The following CNTNAP2 variants were observed in gnomAD, a reference collection of about 807,000 sequenced individuals.
CNTNAP2 encodes contactin associated protein 2.
Under a neutral mutation model 155.2 loss-of-function variants are expected in CNTNAP2, and 98 were observed. The observed-to-expected ratio is 0.63, with a 90% confidence interval of 0.54 to 0.75. CNTNAP2 has a LOEUF of 0.75. Among genes scored for constraint, CNTNAP2 ranks in the 30% least tolerant of loss-of-function variants. The probability of loss-of-function intolerance (pLI) is 0.00; values close to 1 mark genes in which losing one functional copy is unlikely to be tolerated. For synonymous variants in CNTNAP2, 651 were observed against 631.2 expected (o/e 1.03, Z -0.47); for missense variants, 1,727 against 1,688.1 (o/e 1.02, Z -0.40).
intron 15 of CNTNAP2, among the ~76,000 whole-genome samples, chr7:148,030,895 C>T (rs1802465306): frequency 6.6e-6 from 1 of 151,898 alleles, no homozygotes; most frequent in Admixed American, 6.6e-5. Flanking sequence ...TGGAATCAGG[C>T]GGAAGCACGT....
At chr7:147,740,736 T>A (rs1280989667) in intron 13 of CNTNAP2, among the ~76,000 whole-genome samples, 4 of 152,218 alleles carry the variant, frequency 2.6e-5, no homozygotes, top group Admixed American at 2.0e-4. Context: ...GAAACCATAC[T>A]TCTTAAATAA....
intron 1 of CNTNAP2, among the ~76,000 whole-genome samples, chr7:146,125,581 C>CAAAAAAAAA (rs57234097): frequency 3.4e-5 from 2 of 58,878 alleles, no homozygotes; most frequent in Non-Finnish European, 3.1e-5. Flanking sequence ...ACTCCGTCTC[C>CAAAAAAAAA]AAAAAAAAAA....
intron 1 of CNTNAP2, among the ~76,000 whole-genome samples, chr7:146,727,562 T>C (rs34084487): frequency 0.11 from 17,397 of 152,066 alleles, 1,774 homozygotes; most frequent in African/African-American, 0.27. Context: ...ACCAAATAAT[T>C]TGGATAGCCT....
intron 20 of CNTNAP2, among the ~76,000 whole-genome samples, chr7:148,230,690 T>C (rs1297035301): frequency 6.6e-6 from 1 of 152,228 alleles, no homozygotes; most frequent in Non-Finnish European, 1.5e-5. Flanking sequence ...TAACTTGATA[T>C]GGAGTTTGCG....
At chr7:148,195,461 A>G (rs1391359591) in intron 18 of CNTNAP2, among the ~76,000 whole-genome samples, 1 of 152,160 alleles carries the variant, frequency 6.6e-6, no homozygotes, top group Non-Finnish European at 1.5e-5. Flanking sequence ...GTCTTAGTTG[A>G]CCTTTCTCTG....
chr7:147,419,101 G>A (rs973122993), intron 10 of CNTNAP2, among the ~76,000 whole-genome samples: 2 of 152,184 alleles, frequency 1.3e-5, no homozygotes, highest in African/African-American at 4.8e-5. Flanking sequence ...TTCAAAGGTT[G>A]AATCCATAGC....
chr7:148,004,828 G>A (rs1380840714), intron 15 of CNTNAP2, among the ~76,000 whole-genome samples: 1 of 152,152 alleles, frequency 6.6e-6, no homozygotes, highest in African/African-American at 2.4e-5. Flanking sequence ...CAGGAAGAAA[G>A]GTGGAGTACC....
At chr7:148,122,601 G>A (rs369661653) in intron 16 of CNTNAP2, among the ~76,000 whole-genome samples, 2 of 152,120 alleles carry the variant, frequency 1.3e-5, no homozygotes, top group Non-Finnish European at 2.9e-5. Flanking sequence ...TCTGCCAGGG[G>A]GAGCATCTGA....
At chr7:147,568,034 C>T (rs898813419) in intron 12 of CNTNAP2, among the ~76,000 whole-genome samples, 4 of 152,012 alleles carry the variant, frequency 2.6e-5, no homozygotes, top group Non-Finnish European at 4.4e-5. Flanking sequence ...TCCAGTGAGC[C>T]GAGATTGTGC....
intron 13 of CNTNAP2, among the ~76,000 whole-genome samples, chr7:147,812,646 C>T (rs1436571405): frequency 6.6e-6 from 1 of 152,200 alleles, no homozygotes; most frequent in South Asian, 2.1e-4. Context: ...CACAAGGCCT[C>T]AGGTCCTCTC....
At chr7:148,314,149 G>A (rs1376513043) in intron 21 of CNTNAP2, among the ~76,000 whole-genome samples, 3 of 152,180 alleles carry the variant, frequency 2.0e-5, no homozygotes, top group South Asian at 2.1e-4. Context: ...AGATGGGTCT[G>A]TAGAAAAGGA....
intron 8 of CNTNAP2, among the ~76,000 whole-genome samples, chr7:147,159,088 A>G (rs1801979059): frequency 6.6e-6 from 1 of 152,066 alleles, no homozygotes; most frequent in Non-Finnish European, 1.5e-5. Context: ...AAACAGGCAA[A>G]GGGAACAGCA....
At chr7:147,915,270 C>T (rs997356727) in intron 14 of CNTNAP2, among the ~76,000 whole-genome samples, 4 of 144,074 alleles carry the variant, frequency 2.8e-5, no homozygotes, top group Non-Finnish European at 4.8e-5. Flanking sequence ...GCTCAGCGGG[C>T]GCCGTGAAAC....
intron 3 of CNTNAP2, among the ~76,000 whole-genome samples, chr7:146,999,243 CAAAAA>C (rs3081713): frequency 3.0e-5 from 4 of 131,576 alleles, no homozygotes; most frequent in Non-Finnish European, 6.6e-5. Flanking sequence ...AGTTTGATTG[CAAAAA>C]AAAAAAAAAA....
At chr7:148,373,407 A>G (rs1232550622) in intron 21 of CNTNAP2, among the ~76,000 whole-genome samples, 1 of 152,198 alleles carries the variant, frequency 6.6e-6, no homozygotes. Flanking sequence ...GGTAGCTCAG[A>G]TTGTGCCACT....
At chr7:147,378,396 G>A (rs570036667) in intron 9 of CNTNAP2, among the ~76,000 whole-genome samples, 26 of 151,946 alleles carry the variant, frequency 1.7e-4, no homozygotes, top group Non-Finnish European at 2.7e-4. Flanking sequence ...AGAATTCATC[G>A]TATACACAAC....
chr7:147,249,523 T>C (rs1005467231), intron 8 of CNTNAP2, among the ~76,000 whole-genome samples: 5 of 139,454 alleles, frequency 3.6e-5, no homozygotes, highest in Admixed American at 1.5e-4. Flanking sequence ...AACAATGGTC[T>C]CTTGATTAAA....
intron 21 of CNTNAP2, among the ~76,000 whole-genome samples, chr7:148,331,672 GTGGATGGATGGAA>G (rs1798018274): frequency 3.3e-5 from 5 of 150,500 alleles, no homozygotes; most frequent in African/African-American, 1.2e-4. Flanking sequence ...GATGGATGGA[GTGGATGGATGGAA>G]TGGACGGATG....
At chr7:148,159,185 G>A (rs1330964739) in intron 17 of CNTNAP2, among the ~76,000 whole-genome samples, 1 of 152,012 alleles carries the variant, frequency 6.6e-6, no homozygotes, top group Non-Finnish European at 1.5e-5. Context: ...TCCTTTCATG[G>A]TCCTATTGTC....
Sources: allele counts gnomAD v4.1 joint callset (sites outside exome capture counted in the v4.1 genomes callset), GRCh38; gene constraint gnomAD v4.1.1; transcripts MANE v1.5; gene names NCBI Gene and HGNC (gene_info 2026-07-23, HGNC 2026-07-21).